Variants in FNDC3B observed in about 807,000 individuals in gnomAD.
FNDC3B encodes fibronectin type III domain containing 3B.
A neutral mutation model predicts 151.5 loss-of-function variants in FNDC3B; 12 were observed. That is an observed-to-expected ratio of 0.08 (90% CI 0.05 to 0.13). FNDC3B has a LOEUF of 0.13. Among genes scored for constraint, FNDC3B ranks in the 10% least tolerant of loss-of-function variants. The pLI is 1.00. For synonymous variants in FNDC3B, 528 were observed against 549.0 expected (o/e 0.96, Z 0.54); for missense variants, 1,214 against 1,505.3 (o/e 0.81, Z 3.20).
At chr3:172,384,035 A>G (rs1735585346) in intron 25 of FNDC3B, among the ~76,000 whole-genome samples, 1 of 152,224 alleles carries the variant, frequency 6.6e-6, no homozygotes, top group African/African-American at 2.4e-5. Flanking sequence ...TCAGTTCCAA[A>G]TACACAAGTA....
intron 3 of FNDC3B, chr3:172,187,165 A>G (rs1724229784): frequency 1.2e-5 from 2 of 167,896 alleles, no homozygotes; most frequent in African/African-American, 4.8e-5. Context: ...GACAGCTTAT[A>G]TGTATGTTAG....
At chr3:172,297,278 A>G (rs1730662626) in intron 8 of FNDC3B, among the ~76,000 whole-genome samples, 1 of 152,264 alleles carries the variant, frequency 6.6e-6, no homozygotes, top group South Asian at 2.1e-4. Context: ...GTCTGGACAC[A>G]GCTTCCAGTT....
chr3:172,067,158 C>T (rs1717540953), intron 1 of FNDC3B, among the ~76,000 whole-genome samples: 1 of 152,154 alleles, frequency 6.6e-6, no homozygotes, highest in Non-Finnish European at 1.5e-5. Flanking sequence ...CTCCTCTAGG[C>T]TTTTATTATT....
intron 1 of FNDC3B, among the ~76,000 whole-genome samples, chr3:172,087,339 G>A (rs1559959900): frequency 6.6e-6 from 1 of 152,062 alleles, no homozygotes; most frequent in South Asian, 2.1e-4. Flanking sequence ...TCTGTGAGCC[G>A]TACTACTTGC....
chr3:172,207,231 A>G (rs1290666302), intron 3 of FNDC3B, among the ~76,000 whole-genome samples: 1 of 152,202 alleles, frequency 6.6e-6, no homozygotes, highest in Non-Finnish European at 1.5e-5. Flanking sequence ...ATTTGCAAGA[A>G]AACCTGGAGA....
intron 7 of FNDC3B, among the ~76,000 whole-genome samples, chr3:172,290,749 C>G (rs1021036269): frequency 6.6e-6 from 1 of 152,196 alleles, no homozygotes; most frequent in Admixed American, 6.5e-5. Flanking sequence ...CTTAGCACTT[C>G]AGGAATCATA....
intron 3 of FNDC3B, among the ~76,000 whole-genome samples, chr3:172,170,344 G>T (rs1376188095): frequency 6.6e-6 from 1 of 152,220 alleles, no homozygotes; most frequent in Non-Finnish European, 1.5e-5. Context: ...AACAAGCCAT[G>T]GTTGCCAGGA....
intron 9 of FNDC3B, among the ~76,000 whole-genome samples, chr3:172,306,331 C>G (rs1349195690): frequency 6.6e-6 from 1 of 152,154 alleles, no homozygotes; most frequent in African/African-American, 2.4e-5. Context: ...ACCATTGATC[C>G]AAATTTCTAA....
At chr3:172,367,060 T>C (rs1378640275) in intron 23 of FNDC3B, among the ~76,000 whole-genome samples, 1 of 152,212 alleles carries the variant, frequency 6.6e-6, no homozygotes, top group East Asian at 1.9e-4. Context: ...AGAATTCATC[T>C]AGATCACCTG....
intron 14 of FNDC3B, 45 bp downstream of exon 14, chr3:172,333,220 G>C: frequency 1.7e-6 from 2 of 1,205,876 alleles, no homozygotes; most frequent in Non-Finnish European, 2.5e-6. Flanking sequence ...AAATGAAACT[G>C]TTTTCTATTT....
chr3:172,062,772 A>C (rs1043246370), intron 1 of FNDC3B, among the ~76,000 whole-genome samples: 16 of 151,870 alleles, frequency 1.1e-4, no homozygotes, highest in Non-Finnish European at 2.1e-4. Flanking sequence ...CCACCCATCC[A>C]TCCATCCTCT....
intron 25 of FNDC3B, among the ~76,000 whole-genome samples, chr3:172,381,507 C>CTGT (rs1735434401): frequency 6.6e-6 from 1 of 150,864 alleles, no homozygotes; most frequent in South Asian, 2.1e-4. Flanking sequence ...TTCTGGGATA[C>CTGT]ATGTGTAGAA....
chr3:172,295,415 G>A lies in FNDC3B; in HGVS notation c.902G>A (p.Gly301Glu), dbSNP rs1191447958. ...GTGTTGTCCTGGGCTCCCCCTGTTG[G>A]ACTTTCCTGTGGACCCCACAGTGGT... ...AVVLSWAPPV[G>E]LSCGPHSGLS... The change falls in exon 8 of 26, where the codon GGA (glycine) becomes GAA (glutamate). Residue 301 changes from glycine (G) to glutamate (E), a missense_variant. Physicochemically the swap from Gly to Glu is moderately conservative, Grantham distance 98 (BLOSUM62 -2). Around this residue, in one of 7 missense-constraint regions of FNDC3B, gnomAD observed 156 missense variants for 225.3 expected, o/e 0.69. Coordinates refer to ENST00000415807, the MANE Select transcript of FNDC3B (RefSeq NM_022763.4). 6.2e-7 allele frequency: 1 copy of A among 1,614,146 alleles called. No homozygotes were observed. The highest frequency in any genetic ancestry group is 1.3e-5 in the African/African-American group (1 of 75,060).
chr3:172,358,962 GGT>G (rs1236311982), intron 22 of FNDC3B, among the ~76,000 whole-genome samples: 2 of 36,646 alleles, frequency 5.5e-5, no homozygotes, highest in East Asian at 3.8e-4. Context: ...TCTTGGTGGT[GGT>G]GGTGGTGGTG....
chr3:172,102,280 A>G (rs1429135441), intron 1 of FNDC3B, among the ~76,000 whole-genome samples: 5 of 152,210 alleles, frequency 3.3e-5, no homozygotes. Context: ...CTAGGTAAGA[A>G]TTAGTGTGCA....
chr3:172,219,958 A>G (rs1050003836), intron 3 of FNDC3B, among the ~76,000 whole-genome samples: 1 of 152,166 alleles, frequency 6.6e-6, no homozygotes, highest in African/African-American at 2.4e-5. Flanking sequence ...TGTGTTTGCA[A>G]TTCTCTTGGA....
At position 172,398,723 on chromosome 3, in the gene FNDC3B, C is replaced by G. The variant is rs888230064; in HGVS notation, c.*1248C>G. Reference sequence around the variant, plus strand: ...GACCTGAACACGTCACTTTACCTCTCTGTGCCTCAGTTTTCCCATGCATGA... The same window carrying G: ...GACCTGAACACGTCACTTTACCTCTGTGTGCCTCAGTTTTCCCATGCATGA... On this transcript the variant is annotated 3_prime_UTR_variant, in exon 26 of 26. Transcript: ENST00000415807. The G allele has an allele frequency of 3.9e-5, 6 of 152,184 alleles. No homozygotes were observed. Among genetic ancestry groups the G allele is most frequent in the Admixed American group, 3.3e-4 (5 of 15,278 alleles). 9.4% of individuals were successfully genotyped at this position (152,184 alleles called of 1,614,324 possible).
At chr3:172,114,055 A>G (rs964454236) in intron 2 of FNDC3B, among the ~76,000 whole-genome samples, 1 of 152,140 alleles carries the variant, frequency 6.6e-6, no homozygotes, top group African/African-American at 2.4e-5. Flanking sequence ...AGCAGTCTCC[A>G]CATAGATCCT....
At chr3:172,186,574 T>C in intron 3 of FNDC3B, 1 of 609,636 alleles carries the variant, frequency 1.6e-6, no homozygotes, top group Non-Finnish European at 2.9e-6. Context: ...TCTAGTGTCT[T>C]GGCACTATGG....
Sources: allele counts gnomAD v4.1 joint callset (sites outside exome capture counted in the v4.1 genomes callset), GRCh38; gene constraint gnomAD v4.1.1; regional missense constraint gnomAD v4.1.1; transcripts MANE v1.5; gene names NCBI Gene and HGNC (gene_info 2026-07-23, HGNC 2026-07-21).